Variants in DGKB observed in about 807,000 individuals in gnomAD.
The protein encoded by DGKB is diacylglycerol kinase beta, also known as 90 kDa diacylglycerol kinase.
DGKB carries 67 observed loss-of-function variants against 114.3 expected under a neutral mutation model. The observed-to-expected ratio is 0.59, with a 90% CI of 0.48 to 0.72. DGKB has a LOEUF of 0.72. DGKB is among the 30% of genes least tolerant of loss of function. The pLI is 0.00. For synonymous variants in DGKB, 398 were observed against 323.1 expected (o/e 1.23, Z -2.49); for missense variants, 907 against 975.2 (o/e 0.93, Z 0.93).
At chr7:14,925,770 C>A (rs1472113851) in intron 1 of DGKB, among the ~76,000 whole-genome samples, 3 of 152,032 alleles carry the variant, frequency 2.0e-5, no homozygotes, top group Admixed American at 2.0e-4. Context: ...GCAAAATTCA[C>A]TTATTGTTCC....
chr7:14,936,209 G>T (rs1785264663), intron 1 of DGKB, among the ~76,000 whole-genome samples: 1 of 152,176 alleles, frequency 6.6e-6, no homozygotes, highest in South Asian at 2.1e-4. Flanking sequence ...CAAGAACGTA[G>T]AAAAGTGATG....
In DGKB at chr7:14,850,327, T is replaced by C. The variant is rs372174424; in HGVS notation, c.-187-8877A>G. On this transcript the variant is annotated intron_variant, in intron 1 of 25. Transcript: ENST00000402815. ...GAAGTAGTTATCCAGAGAAAAAATATGAAATCGAGAGACTTTTTTTTTCTT... is the reference window on the plus strand; with the variant it reads ...GAAGTAGTTATCCAGAGAAAAAATACGAAATCGAGAGACTTTTTTTTTCTT... Among the ~76,000 whole-genome samples the C allele has an allele frequency of 4.4e-5, 6 of 137,382 alleles. No individual in the cohort carries two copies. The South Asian group carries it at 1.7e-3, about 38-fold the overall frequency. The allele number at this position is 137,382 out of a possible 152,430, so 90.1% of individuals were successfully genotyped here.
At chr7:14,663,972 A>G (rs560797677) in intron 13 of DGKB, among the ~76,000 whole-genome samples, 9 of 151,942 alleles carry the variant, frequency 5.9e-5, no homozygotes, top group Non-Finnish European at 1.0e-4. Flanking sequence ...GTCCAGCTAC[A>G]AAGCTGGACT....
intron 20 of DGKB, among the ~76,000 whole-genome samples, chr7:14,542,243 T>G (rs538753387): frequency 6.6e-6 from 1 of 152,218 alleles, no homozygotes; most frequent in African/African-American, 2.4e-5. Flanking sequence ...GGTCTCAAAC[T>G]CTTGGCCTCA....
intron 20 of DGKB, among the ~76,000 whole-genome samples, chr7:14,559,478 T>C (rs1213524770): frequency 6.6e-6 from 1 of 152,170 alleles, no homozygotes; most frequent in African/African-American, 2.4e-5. Flanking sequence ...GTCTCTTTAG[T>C]ATGCATTCAG....
intron 23 of DGKB, among the ~76,000 whole-genome samples, chr7:14,217,013 C>T (rs1178422065): frequency 6.6e-6 from 1 of 151,924 alleles, no homozygotes; most frequent in East Asian, 1.9e-4. Flanking sequence ...TTTTTCTGAA[C>T]CTCTAAGCTA....
intron 20 of DGKB, among the ~76,000 whole-genome samples, chr7:14,560,299 A>C (rs1796465006): frequency 6.6e-6 from 1 of 152,174 alleles, no homozygotes; most frequent in South Asian, 2.1e-4. Context: ...ACAACATATC[A>C]CTAGAGTTTA....
At chr7:14,393,236 G>A (rs964665007) in intron 21 of DGKB, among the ~76,000 whole-genome samples, 1 of 151,622 alleles carries the variant, frequency 6.6e-6, no homozygotes, top group Non-Finnish European at 1.5e-5. Flanking sequence ...TGATCCGCCC[G>A]CCTCGGCCTC....
intron 13 of DGKB, among the ~76,000 whole-genome samples, chr7:14,658,608 A>G (rs1043012966): frequency 3.9e-5 from 6 of 151,954 alleles, no homozygotes; most frequent in African/African-American, 1.4e-4. Flanking sequence ...ACTCAAGGTG[A>G]TGTATACCCT....
At chr7:14,733,020 T>A (rs189287191) in intron 5 of DGKB, among the ~76,000 whole-genome samples, 23 of 152,316 alleles carry the variant, frequency 1.5e-4, no homozygotes, top group South Asian at 4.1e-4. Flanking sequence ...ACAGGACAAC[T>A]TTCTTATTTA....
chr7:14,457,008 C>T (rs1314814420), intron 21 of DGKB, among the ~76,000 whole-genome samples: 2 of 152,094 alleles, frequency 1.3e-5, no homozygotes, highest in East Asian at 3.9e-4. Context: ...GTTTCCTACA[C>T]TTTCACTGTG....
chr7:14,164,541 G>T (rs1364450219), intron 25 of DGKB, among the ~76,000 whole-genome samples: 2 of 152,150 alleles, frequency 1.3e-5, no homozygotes, highest in Non-Finnish European at 2.9e-5. Context: ...TGTTTTCAGT[G>T]CATCTATTCT....
At chr7:14,952,478 A>G (rs1275723903) in intron 1 of DGKB, among the ~76,000 whole-genome samples, 2 of 152,076 alleles carry the variant, frequency 1.3e-5, no homozygotes, top group Non-Finnish European at 2.9e-5. Flanking sequence ...TGAAGAAATT[A>G]ATATAGTGAT....
At chr7:14,291,986 T>A (rs915178513) in intron 23 of DGKB, among the ~76,000 whole-genome samples, 10 of 151,116 alleles carry the variant, frequency 6.6e-5, no homozygotes, top group African/African-American at 2.4e-4. Flanking sequence ...TCCTTTTCAA[T>A]TTTTTTTTCA....
At chr7:14,803,420 TTGTG>T (rs1209756074) in intron 2 of DGKB, among the ~76,000 whole-genome samples, 4 of 152,170 alleles carry the variant, frequency 2.6e-5, no homozygotes, top group African/African-American at 9.6e-5. Flanking sequence ...GTGAGTGTGT[TTGTG>T]TGTAAGATGT....
chr7:14,701,489 T>G (rs571996493), intron 7 of DGKB, among the ~76,000 whole-genome samples, 192 bp downstream of exon 7: 56 of 152,188 alleles, frequency 3.7e-4, no homozygotes, highest in Non-Finnish European at 7.4e-4. Context: ...AACTATTCAG[T>G]AGAACAATTG....
intron 13 of DGKB, among the ~76,000 whole-genome samples, chr7:14,661,755 C>T (rs1201338727): frequency 3.3e-5 from 5 of 151,630 alleles, no homozygotes; most frequent in South Asian, 4.2e-4. Context: ...CACATGCACA[C>T]GTATGTTTAT....
chr7:14,781,000 T>C (rs1417849177), intron 2 of DGKB, among the ~76,000 whole-genome samples: 2 of 152,232 alleles, frequency 1.3e-5, no homozygotes, highest in African/African-American at 2.4e-5. Flanking sequence ...CTTATTTTGA[T>C]GTTTCTCTTC....
At chr7:14,173,227 T>C (rs1003709095) in intron 25 of DGKB, among the ~76,000 whole-genome samples, 1 of 152,190 alleles carries the variant, frequency 6.6e-6, no homozygotes, top group Non-Finnish European at 1.5e-5. Flanking sequence ...GAAGAATGAG[T>C]ACTAAGCTCT....
Sources: allele counts gnomAD v4.1 joint callset (sites outside exome capture counted in the v4.1 genomes callset), GRCh38; gene constraint gnomAD v4.1.1; transcripts MANE v1.5; gene names NCBI Gene and HGNC (gene_info 2026-07-23, HGNC 2026-07-21).